NRG3: variants seen among roughly 807,000 people sequenced by gnomAD.
NRG3 encodes the protein pro-neuregulin-3, membrane-bound isoform.
NRG3 carries 31 observed loss-of-function variants against 66.9 expected under a neutral mutation model. The observed-to-expected ratio is 0.46, with a 90% CI of 0.35 to 0.63. The LOEUF is 0.63. Ranked by LOEUF, NRG3 falls within the 20% of genes least tolerant of loss-of-function variation. NRG3 has a pLI of 0.00. For synonymous variants in NRG3, 393 were observed against 359.4 expected (o/e 1.09, Z -1.06); for missense variants, 910 against 878.9 (o/e 1.04, Z -0.45).
chr10:82,534,925 G>A (rs983986063), intron 2 of NRG3, among the ~76,000 whole-genome samples: 1 of 151,648 alleles, frequency 6.6e-6, no homozygotes, highest in Non-Finnish European at 1.5e-5. Flanking sequence ...CACTTTGGGA[G>A]GCCAAGACTG....
At chr10:81,934,436 C>A (rs1847673710) in intron 1 of NRG3, among the ~76,000 whole-genome samples, 1 of 152,092 alleles carries the variant, frequency 6.6e-6, no homozygotes, top group East Asian at 1.9e-4. Flanking sequence ...TCGGACACTC[C>A]CTCCGTGGTA....
rs185771807 is a variant in NRG3 at position 82,142,687 on chromosome 10, G to A, written c.824-216052G>A. Reference sequence around the variant, plus strand: ...ATGACAACGTAATGTATCTCTCATGGAAGAGCTGGGGGATGTCCTAGTATA... The same window carrying A: ...ATGACAACGTAATGTATCTCTCATGAAAGAGCTGGGGGATGTCCTAGTATA... On this transcript the variant is annotated intron_variant, in intron 1 of 8. Coordinates refer to ENST00000372141, the MANE Select transcript of NRG3 (RefSeq NM_001010848.4). Among the ~76,000 whole-genome samples, 296 of 151,728 alleles carry A rather than the reference G, an allele frequency of 2.0e-3. 1 individual carries two copies. Among genetic ancestry groups the A allele is most frequent in the African/African-American group, 6.7e-3 (277 of 41,368 alleles).
chr10:82,754,096 C>T (rs915612232), intron 3 of NRG3, among the ~76,000 whole-genome samples: 19 of 151,606 alleles, frequency 1.3e-4, no homozygotes, highest in African/African-American at 4.6e-4. Flanking sequence ...CACAGATTCC[C>T]AAGATCATTT....
intron 1 of NRG3, among the ~76,000 whole-genome samples, chr10:81,920,692 T>C (rs1000265096): frequency 1.3e-5 from 2 of 152,200 alleles, no homozygotes; most frequent in African/African-American, 4.8e-5. Context: ...TCCAAATTTA[T>C]AATATTATGA....
chr10:82,294,473 G>T (rs1341035486), intron 1 of NRG3, among the ~76,000 whole-genome samples: 1 of 151,750 alleles, frequency 6.6e-6, no homozygotes, highest in Non-Finnish European at 1.5e-5. Flanking sequence ...GTATGTGTGT[G>T]TTTGAAAGTT....
chr10:82,105,612 T>C (rs80078196), intron 1 of NRG3, among the ~76,000 whole-genome samples: 9,373 of 152,246 alleles, frequency 0.062, 440 homozygotes, highest in East Asian at 0.24. Context: ...TGTTTGCTTG[T>C]TGATGCCCTA....
intron 2 of NRG3, among the ~76,000 whole-genome samples, chr10:82,473,116 A>G (rs1221299400): frequency 6.6e-6 from 1 of 152,206 alleles, no homozygotes; most frequent in Non-Finnish European, 1.5e-5. Context: ...TTCTAAAGCA[A>G]TCCTGTGATT....
At chr10:82,380,421 A>G (rs2085537799) in intron 2 of NRG3, among the ~76,000 whole-genome samples, 1 of 152,212 alleles carries the variant, frequency 6.6e-6, no homozygotes, top group East Asian at 1.9e-4. Context: ...TACTGTATAT[A>G]AAGCATCATT....
chr10:82,183,467 T>C (rs1278677655), intron 1 of NRG3, among the ~76,000 whole-genome samples: 1 of 152,122 alleles, frequency 6.6e-6, no homozygotes, highest in African/African-American at 2.4e-5. Flanking sequence ...AGTTATTGCA[T>C]TCTTCAGGTG....
intron 3 of NRG3, among the ~76,000 whole-genome samples, chr10:82,775,975 A>T (rs2059898761): frequency 6.6e-6 from 1 of 152,152 alleles, no homozygotes; most frequent in African/African-American, 2.4e-5. Context: ...ACACATTGTC[A>T]TTGCAGTAAT....
intron 3 of NRG3, among the ~76,000 whole-genome samples, chr10:82,748,015 T>C (rs2058713240): frequency 6.6e-6 from 1 of 151,290 alleles, no homozygotes; most frequent in Non-Finnish European, 1.5e-5. Context: ...ATTTATTCAA[T>C]AGTCTGACAT....
intron 2 of NRG3, among the ~76,000 whole-genome samples, chr10:82,405,140 AG>A (rs2087408868): frequency 6.6e-6 from 1 of 152,184 alleles, no homozygotes; most frequent in African/African-American, 2.4e-5. Context: ...AAAGTGAAAA[AG>A]ACCTCAGAAA....
intron 1 of NRG3, among the ~76,000 whole-genome samples, chr10:82,258,098 C>T (rs183683731): frequency 3.3e-5 from 5 of 152,212 alleles, no homozygotes; most frequent in East Asian, 1.9e-4. Context: ...TCTTTGTAAC[C>T]GCTTTGTTAT....
chr10:82,834,715 C>G (rs962877299), intron 3 of NRG3, among the ~76,000 whole-genome samples: 1 of 152,196 alleles, frequency 6.6e-6, no homozygotes, highest in East Asian at 1.9e-4. Context: ...AAGAAACTCA[C>G]TAGTTGCTAA....
chr10:82,916,447 G>A (rs553434999), intron 4 of NRG3, among the ~76,000 whole-genome samples: 10 of 152,076 alleles, frequency 6.6e-5, no homozygotes, highest in Non-Finnish European at 1.3e-4. Context: ...GCAAGACCTT[G>A]TCTCAAAAAG....
intron 1 of NRG3, among the ~76,000 whole-genome samples, chr10:82,253,584 T>C (rs1287384217): frequency 6.6e-6 from 1 of 152,176 alleles, no homozygotes; most frequent in African/African-American, 2.4e-5. Flanking sequence ...CACACCAGAC[T>C]CAGCCACCAT....
chr10:82,846,768 A>G (rs892026191), intron 3 of NRG3, among the ~76,000 whole-genome samples: 1 of 152,242 alleles, frequency 6.6e-6, no homozygotes, highest in African/African-American at 2.4e-5. Flanking sequence ...TATAAACGAT[A>G]TAAATCTGAA....
intron 1 of NRG3, among the ~76,000 whole-genome samples, chr10:81,984,365 T>A (rs373019468): frequency 8.5e-5 from 13 of 152,326 alleles, no homozygotes; most frequent in Admixed American, 5.2e-4. Context: ...CCACTGTTAT[T>A]AATTTATCCA....
chr10:82,447,408 G>T (rs533409560), intron 2 of NRG3, among the ~76,000 whole-genome samples: 1 of 151,968 alleles, frequency 6.6e-6, no homozygotes, highest in Non-Finnish European at 1.5e-5. Context: ...ACATAGTGAG[G>T]CCCCATCCCT....
Sources: allele counts gnomAD v4.1 joint callset (sites outside exome capture counted in the v4.1 genomes callset), GRCh38; gene constraint gnomAD v4.1.1; transcripts MANE v1.5; gene names NCBI Gene and HGNC (gene_info 2026-07-23, HGNC 2026-07-21).